CNTNAP2: variants seen among roughly 807,000 people sequenced by gnomAD.
The protein encoded by CNTNAP2 is contactin-associated protein-like 2.
CNTNAP2 carries 98 observed loss-of-function variants against 155.2 expected under a neutral mutation model. The observed-to-expected ratio is 0.63, with a 90% CI of 0.54 to 0.75. CNTNAP2 has a LOEUF of 0.75. Among genes scored for constraint, CNTNAP2 ranks in the 30% least tolerant of loss-of-function variants. CNTNAP2 has a pLI of 0.00. For missense variants in CNTNAP2, 1,727 were observed against 1,688.1 expected, an observed-to-expected ratio of 1.02 and a Z score of -0.40; for synonymous variants, 651 against 631.2, an observed-to-expected ratio of 1.03 and a Z score of -0.47.
At chr7:147,225,852 AAGGAGGGAAAGAAGGAAGG>A (rs1455972236) in intron 8 of CNTNAP2, among the ~76,000 whole-genome samples, 1 of 144,832 alleles carries the variant, frequency 6.9e-6, no homozygotes, top group Non-Finnish European at 1.5e-5. Flanking sequence ...GGAAAGAAGG[AAGGAGGGAAAGAAGGAAGG>A]AGGGAAAGAA....
At chr7:147,253,904 A>G (rs1804260728) in intron 8 of CNTNAP2, among the ~76,000 whole-genome samples, 1 of 152,202 alleles carries the variant, frequency 6.6e-6, no homozygotes, top group Non-Finnish European at 1.5e-5. Flanking sequence ...CTATGGCATC[A>G]GTCTTATTCC....
chr7:146,219,612 A>C (rs986308239), intron 1 of CNTNAP2, among the ~76,000 whole-genome samples: 4 of 152,178 alleles, frequency 2.6e-5, no homozygotes, highest in Non-Finnish European at 5.9e-5. Context: ...CAATCTTCAC[A>C]ACTTTTTCTA....
intron 15 of CNTNAP2, among the ~76,000 whole-genome samples, chr7:148,116,829 A>T (rs916596808): frequency 1.3e-5 from 2 of 152,230 alleles, no homozygotes; most frequent in African/African-American, 4.8e-5. Flanking sequence ...ATAGAAACTA[A>T]TGGAGTGCAC....
chr7:146,415,059 A>G (rs1196028670), intron 1 of CNTNAP2, among the ~76,000 whole-genome samples: 1 of 152,188 alleles, frequency 6.6e-6, no homozygotes, highest in Non-Finnish European at 1.5e-5. Context: ...TAATATTCCA[A>G]GTTTTGTGTG....
intron 12 of CNTNAP2, among the ~76,000 whole-genome samples, chr7:147,571,051 T>A (rs1800278781): frequency 6.6e-6 from 1 of 152,220 alleles, no homozygotes; most frequent in Admixed American, 6.5e-5. Context: ...GGGTTTTTAA[T>A]CAGAGGACAC....
intron 1 of CNTNAP2, 53 bp downstream of exon 1, chr7:146,117,026 T>C: frequency 6.8e-7 from 1 of 1,460,924 alleles, no homozygotes; most frequent in Non-Finnish European, 9.4e-7. Context: ...GCGGCATTGA[T>C]GTTTGGCACC....
At chr7:147,470,126 AACAAG>A (rs1798191010) in intron 10 of CNTNAP2, among the ~76,000 whole-genome samples, 1 of 152,174 alleles carries the variant, frequency 6.6e-6, no homozygotes, top group East Asian at 1.9e-4. Context: ...AAGCCATCTA[AACAAG>A]ACTTAGACTT....
At chr7:146,855,987 C>G (rs867060613) in intron 3 of CNTNAP2, among the ~76,000 whole-genome samples, 13 of 151,280 alleles carry the variant, frequency 8.6e-5, no homozygotes, top group African/African-American at 3.1e-4. Flanking sequence ...GAAATCAGAT[C>G]TAGTTAGAAA....
chr7:147,839,978 C>G (rs1440089071), intron 13 of CNTNAP2, among the ~76,000 whole-genome samples: 1 of 148,890 alleles, frequency 6.7e-6, no homozygotes, highest in Non-Finnish European at 1.5e-5. Flanking sequence ...TGGAATACTA[C>G]TCAGCCATAA....
intron 11 of CNTNAP2, among the ~76,000 whole-genome samples, chr7:147,551,769 G>A (rs1422540998): frequency 4.6e-5 from 7 of 152,044 alleles, no homozygotes; most frequent in Non-Finnish European, 2.9e-5. Flanking sequence ...TGTATTCATC[G>A]ATGGGTGTTC....
intron 8 of CNTNAP2, among the ~76,000 whole-genome samples, chr7:147,200,758 G>A (rs10228717): frequency 6.6e-6 from 1 of 152,186 alleles, no homozygotes; most frequent in South Asian, 2.1e-4. Context: ...ATGCAGGAGG[G>A]AGGAATTCAT....
intron 13 of CNTNAP2, among the ~76,000 whole-genome samples, chr7:147,772,420 T>A (rs1195686650): frequency 7.7e-6 from 1 of 129,412 alleles, no homozygotes; most frequent in Admixed American, 8.4e-5. Flanking sequence ...TATATATATA[T>A]AATATATATA....
At chr7:146,887,300 C>A (rs985605153) in intron 3 of CNTNAP2, among the ~76,000 whole-genome samples, 13 of 151,720 alleles carry the variant, frequency 8.6e-5, no homozygotes, top group African/African-American at 2.9e-4. Context: ...GGGCGCCCAC[C>A]ACCACACCCA....
chr7:146,416,618 C>A (rs1795941832), intron 1 of CNTNAP2, among the ~76,000 whole-genome samples: 1 of 152,000 alleles, frequency 6.6e-6, no homozygotes, highest in African/African-American at 2.4e-5. Flanking sequence ...AAAGAAAGAC[C>A]TTTCTAACCC....
At chr7:146,669,037 A>G (rs1800250662) in intron 1 of CNTNAP2, among the ~76,000 whole-genome samples, 1 of 152,190 alleles carries the variant, frequency 6.6e-6, no homozygotes, top group Non-Finnish European at 1.5e-5. Flanking sequence ...TATTCTATAA[A>G]TATCAAATAA....
Position 148,120,472 on chromosome 7 carries a change from G to A in CNTNAP2, c.2554+2184G>A, listed in dbSNP as rs148950037. ...TGTCACTGCGGGATCTCGCCATGTC[G>A]GCCAGGCTGGTCTCAAACCCCTGGG... On this transcript the variant is annotated intron_variant, in intron 16 of 23. Coordinates refer to ENST00000361727, the MANE Select transcript of CNTNAP2 (RefSeq NM_014141.6). Among the ~76,000 whole-genome samples, 54 of 151,856 alleles carry A rather than the reference G, an allele frequency of 3.6e-4. 1 individual carries two copies. Among genetic ancestry groups the A allele is most frequent in the African/African-American group, 1.2e-3 (49 of 41,402 alleles).
At chr7:146,487,858 A>G (rs1207020328) in intron 1 of CNTNAP2, among the ~76,000 whole-genome samples, 1 of 152,182 alleles carries the variant, frequency 6.6e-6, no homozygotes. Flanking sequence ...TCTTGCTTAG[A>G]GTCAGCCCTG....
intron 12 of CNTNAP2, among the ~76,000 whole-genome samples, chr7:147,573,155 A>G (rs972170277): frequency 2.6e-5 from 4 of 152,162 alleles, no homozygotes; most frequent in African/African-American, 9.6e-5. Flanking sequence ...CCCCACATAA[A>G]TGATTGCTGC....
intron 3 of CNTNAP2, among the ~76,000 whole-genome samples, chr7:147,027,197 T>C (rs1390764654): frequency 6.6e-6 from 1 of 152,154 alleles, no homozygotes; most frequent in Non-Finnish European, 1.5e-5. Context: ...TTTTATATTA[T>C]TCAGCTTAGA....
Sources: gnomAD v4.1 joint callset for allele counts (sites outside exome capture counted in the v4.1 genomes callset) on GRCh38, gnomAD v4.1.1 for gene constraint, MANE v1.5 for transcripts, NCBI Gene and HGNC (gene_info 2026-07-23, HGNC 2026-07-21) for gene names.